The following HFM1 variants were observed in gnomAD, a reference collection of about 807,000 sequenced individuals.
The protein encoded by HFM1 is probable ATP-dependent DNA helicase HFM1.
A neutral mutation model predicts 192.1 loss-of-function variants in HFM1; 169 were observed. The ratio of observed to expected loss-of-function variants is 0.88; its 90% CI spans 0.78 to 1.00. The LOEUF (loss-of-function observed/expected upper bound fraction) is 1.00, where lower values mean the gene tolerates loss of function less well. HFM1 is among the 50% of genes least tolerant of loss of function. The probability of loss-of-function intolerance (pLI) is 0.00; values close to 1 mark genes in which losing one functional copy is unlikely to be tolerated. For missense variants in HFM1, 1,661 were observed against 1,668.0 expected (o/e 1.00, Z 0.07); for synonymous variants, 525 against 537.8 (o/e 0.98, Z 0.33).
chr1:91,279,164 C>T (rs1014122934), intron 30 of HFM1, among the ~76,000 whole-genome samples: 2 of 152,156 alleles, frequency 1.3e-5, no homozygotes, highest in Non-Finnish European at 2.9e-5. Flanking sequence ...TAATAAGATT[C>T]TGAAATCCTA....
At chr1:91,349,802 G>A (rs2101712121) in intron 18 of HFM1, among the ~76,000 whole-genome samples, 1 of 152,324 alleles carries the variant, frequency 6.6e-6, no homozygotes, top group African/African-American at 2.4e-5. Context: ...GTTGTTTCTA[G>A]ATGATTTGTT....
chr1:91,343,372 T>C, intron 20 of HFM1, 58 bp downstream of exon 20: 1 of 833,064 alleles, frequency 1.2e-6, no homozygotes, highest in Non-Finnish European at 1.9e-6. Context: ...TAAAACAAAA[T>C]TTTAATTTAG....
intron 16 of HFM1, 136 bp from the exon 17 acceptor site, chr1:91,351,779 G>T: frequency 2.4e-6 from 1 of 412,318 alleles, no homozygotes; most frequent in South Asian, 7.4e-5. Context: ...CCTTAAAAAT[G>T]CTCTCATTTT....
chr1:91,314,407 A>C (rs1229410720), intron 28 of HFM1, among the ~76,000 whole-genome samples: 2 of 152,052 alleles, frequency 1.3e-5, no homozygotes, highest in Non-Finnish European at 2.9e-5. Context: ...GCACATTGGC[A>C]CTATGCTCAG....
In HFM1 at chr1:91,316,446, G is replaced by A; in HGVS notation, c.2843C>T (p.Ala948Val). 1 of 1,574,296 alleles carries A rather than the reference G, an allele frequency of 6.4e-7. No homozygotes were observed. The highest frequency in any genetic ancestry group is 2.3e-5 in the East Asian group (1 of 43,568). Residue 948 changes from alanine (A) to valine (V), a missense_variant, in exon 26 of 39, where the codon GCT (alanine) becomes GTT (valine). By Grantham distance (64) the Ala-to-Val change is moderately conservative. Coordinates refer to ENST00000370425, the MANE Select transcript of HFM1 (RefSeq NM_001017975.6). ...GITLSNAIVNAGLTSFKKIEE... is the reference protein window; with the variant it reads ...GITLSNAIVNVGLTSFKKIEE... ...TATTTTTTTAAAGGAAGTCAAACCA[G>A]CATTTACGATTGCATTTGACAATGT... is the stretch of plus-strand genomic sequence containing the variant.
At chr1:91,300,700 T>C (rs997887278) in intron 30 of HFM1, among the ~76,000 whole-genome samples, 1 of 152,126 alleles carries the variant, frequency 6.6e-6, no homozygotes, top group Admixed American at 6.6e-5. Flanking sequence ...ATTATCTCAA[T>C]AGATGCAGAA....
At chr1:91,347,515 C>A (rs774616994) in intron 18 of HFM1, 39 bp from the exon 19 acceptor site, 2 of 1,416,318 alleles carry the variant, frequency 1.4e-6, no homozygotes, top group Non-Finnish European at 2.0e-6. Context: ...TTTAGCTCAT[C>A]TTTACAGGCT....
intron 20 of HFM1, among the ~76,000 whole-genome samples, chr1:91,326,131 A>G (rs900431492): frequency 2.0e-5 from 3 of 152,222 alleles, no homozygotes; most frequent in Non-Finnish European, 4.4e-5. Context: ...AATAGCCTCA[A>G]AAGGGCAAAT....
chr1:91,361,629 G>A (rs1380407212), intron 13 of HFM1, among the ~76,000 whole-genome samples: 1 of 152,136 alleles, frequency 6.6e-6, no homozygotes, highest in Non-Finnish European at 1.5e-5. Flanking sequence ...TGGGTACAAA[G>A]AAAAGCTGTC....
Position 91,401,086 on chromosome 1 carries a change from T to A in HFM1, c.-4A>T. The stretch of plus-strand genomic sequence containing the variant: ...GGCAATCATTTGATTTCAGCATTGT[T>A]GAAAACTGGACTTTGTCATAAATCT... On this transcript the variant is annotated 5_prime_UTR_variant, in exon 2 of 39. Coordinates refer to ENST00000370425, the MANE Select transcript of HFM1 (RefSeq NM_001017975.6). 6.5e-7 allele frequency: 1 copy of A among 1,529,132 alleles called. No individual in the cohort carries two copies. The highest frequency in any genetic ancestry group is 8.8e-7 in the Non-Finnish European group (1 of 1,134,006). The allele number at this position is 1,529,132 out of a possible 1,614,324, so 94.7% of individuals were successfully genotyped here.
At chr1:91,305,270 T>C (rs1415511944) in intron 30 of HFM1, among the ~76,000 whole-genome samples, 1 of 152,254 alleles carries the variant, frequency 6.6e-6, no homozygotes, top group Non-Finnish European at 1.5e-5. Context: ...AGTGCTGCCA[T>C]CTTAACAATA....
intron 26 of HFM1, 38 bp downstream of exon 26, chr1:91,316,353 G>T: frequency 1.6e-6 from 2 of 1,237,104 alleles, no homozygotes; most frequent in Non-Finnish European, 2.3e-6. Flanking sequence ...GTAGGCCTCA[G>T]AATTTAGATG....
chr1:91,397,552 G>A (rs745616297), intron 2 of HFM1, among the ~76,000 whole-genome samples: 12 of 152,054 alleles, frequency 7.9e-5, no homozygotes, highest in Non-Finnish European at 1.2e-4. Context: ...CTGTCTCTCC[G>A]AGCACCTAGC....
chr1:91,292,786 T>C lies in HFM1; in HGVS notation c.3392-15724A>G, dbSNP rs542591501. 6.7e-3 allele frequency among the ~76,000 whole-genome samples: 1,022 copies of C among 152,246 alleles called. 12 individuals carry two copies. Among genetic ancestry groups the C allele is most frequent in the African/African-American group, 0.023 (951 of 41,530 alleles). On this transcript the variant is annotated intron_variant, in intron 30 of 38. Coordinates refer to ENST00000370425, the MANE Select transcript of HFM1 (RefSeq NM_001017975.6). ...AAGAAGAAAGCTGGAGGCATCACAC[T>C]ACCTGACTTCAAACTATACTACAAG...
intron 30 of HFM1, among the ~76,000 whole-genome samples, chr1:91,285,952 G>T (rs1443979318): frequency 6.6e-6 from 1 of 152,076 alleles, no homozygotes; most frequent in Non-Finnish European, 1.5e-5. Flanking sequence ...GACGGTCATG[G>T]TATCACAGTA....
At chr1:91,369,910 T>C (rs369188271) in intron 13 of HFM1, among the ~76,000 whole-genome samples, 14 of 152,040 alleles carry the variant, frequency 9.2e-5, no homozygotes, top group African/African-American at 2.9e-4. Context: ...AAAGGGGATA[T>C]AGCCACCGAT....
At chr1:91,276,300 C>T (rs940741621) in intron 32 of HFM1, among the ~76,000 whole-genome samples, 1 of 152,114 alleles carries the variant, frequency 6.6e-6, no homozygotes, top group Non-Finnish European at 1.5e-5. Context: ...ACTCATCACA[C>T]TATATTAAAA....
chr1:91,287,163 C>T (rs1328906098), intron 30 of HFM1, among the ~76,000 whole-genome samples: 3 of 152,216 alleles, frequency 2.0e-5, no homozygotes, highest in African/African-American at 7.2e-5. Context: ...CCCACCACAG[C>T]TCATGGAGGC....
chr1:91,360,811 C>A (rs1373611991), intron 13 of HFM1, among the ~76,000 whole-genome samples: 3 of 152,114 alleles, frequency 2.0e-5, no homozygotes, highest in African/African-American at 7.2e-5. Context: ...CACTTCTCAG[C>A]AAATGTAAAA....
Sources: allele counts gnomAD v4.1 joint callset (sites outside exome capture counted in the v4.1 genomes callset), GRCh38; gene constraint gnomAD v4.1.1; transcripts MANE v1.5; gene names NCBI Gene and HGNC (gene_info 2026-07-23, HGNC 2026-07-21).